Variants in CCNB2 observed in about 807,000 individuals in gnomAD.
CCNB2 encodes the protein G2/mitotic-specific cyclin-B2.
In CCNB2, 39 loss-of-function variants were observed where a neutral mutation model predicts 51.1. The observed-to-expected ratio is 0.76, with a 90% CI of 0.59 to 1.00. The LOEUF (loss-of-function observed/expected upper bound fraction) is 1.00, where lower values mean the gene tolerates loss of function less well. Among genes scored for constraint, CCNB2 ranks in the 50% least tolerant of loss-of-function variants. The probability of loss-of-function intolerance (pLI) is 0.00; values close to 1 mark genes in which losing one functional copy is unlikely to be tolerated. For synonymous variants in CCNB2, 174 were observed against 165.5 expected (o/e 1.05, Z -0.40); for missense variants, 472 against 470.3 (o/e 1.00, Z -0.03).
At position 59,114,810 on chromosome 15, in the gene CCNB2, C is replaced by G; in HGVS notation, c.531C>G (p.His177Gln). Residue 177 changes from histidine (H) to glutamine (Q), a missense_variant, in exon 5 of 9, where the codon CAC (histidine) becomes CAG (glutamine). Coordinates refer to ENST00000288207, the MANE Select transcript of CCNB2 (RefSeq NM_004701.4). ...TAGTGGATTGGCTGGTACAAGTCCA[C>G]TCCAAGTTTAGGCTTCTGCAGGAGA... The part of the protein sequence containing the change: ...AILVDWLVQV[H>Q]SKFRLLQETL... 6.2e-7 allele frequency: 1 copy of G among 1,614,206 alleles called. No homozygotes were observed. Among genetic ancestry groups the G allele is most frequent in the Admixed American group, 1.7e-5 (1 of 60,028 alleles).
At chr15:59,122,241 CTT>C (rs1162917277) in intron 7 of CCNB2, among the ~76,000 whole-genome samples, 138 of 72,968 alleles carry the variant, frequency 1.9e-3, no homozygotes, top group African/African-American at 7.2e-3. Context: ...GTTGACATAT[CTT>C]TTTTTTTTTT....
chr15:59,105,633 A>G (rs549634641), intron 1 of CCNB2, among the ~76,000 whole-genome samples: 3 of 152,284 alleles, frequency 2.0e-5, no homozygotes, highest in South Asian at 4.1e-4. Flanking sequence ...AGAGTTATCT[A>G]CTTCCACGTT....
At chr15:59,119,405 A>G (rs111327664) in intron 7 of CCNB2, among the ~76,000 whole-genome samples, 3,824 of 147,934 alleles carry the variant, frequency 0.026, 164 homozygotes, top group African/African-American at 0.089. Flanking sequence ...AGGCTGAAGT[A>G]GCTATGATCC....
In CCNB2 at chr15:59,117,250, T is replaced by G. The variant is rs776783136; in HGVS notation, c.857T>G (p.Leu286Ter). 1 of 1,613,136 alleles carries G rather than the reference T, an allele frequency of 6.2e-7. No individual in the cohort carries two copies. The highest frequency in any genetic ancestry group is 8.5e-7 in the Non-Finnish European group (1 of 1,179,976). Residue 286 changes from leucine to a stop codon, truncating the protein, a stop_gained, in exon 7 of 9, where the codon TTA becomes TGA. Coordinates refer to ENST00000288207, the MANE Select transcript of CCNB2 (RefSeq NM_004701.4). LOFTEE classifies it high-confidence loss of function. ...AGEVDVEQHT[L>*]AKYLMELTLI... ...TAGGTTGATGTTGAACAGCACACTT[T>G]AGCCAAGTATTTGATGGAGCTGACT...
At chr15:59,107,126 G>A (rs1353973699) in intron 1 of CCNB2, among the ~76,000 whole-genome samples, 196 bp from the exon 2 acceptor site, 5 of 152,130 alleles carry the variant, frequency 3.3e-5, no homozygotes, top group Admixed American at 6.5e-5. Flanking sequence ...AAGTAGATGG[G>A]TGATTTGCCT....
At chr15:59,118,898 C>T (rs2079290336) in intron 7 of CCNB2, among the ~76,000 whole-genome samples, 1 of 152,146 alleles carries the variant, frequency 6.6e-6, no homozygotes, top group Non-Finnish European at 1.5e-5. Flanking sequence ...ACCAGGGCAG[C>T]ATGGTGGAGC....
intron 7 of CCNB2, among the ~76,000 whole-genome samples, chr15:59,119,691 AAG>A (rs1189308992): frequency 6.6e-6 from 1 of 152,108 alleles, no homozygotes; most frequent in African/African-American, 2.4e-5. Flanking sequence ...TCAATATAGG[AAG>A]AGTTTTAAAT....
chr15:59,109,056 A>G (rs2079247082), intron 3 of CCNB2, among the ~76,000 whole-genome samples: 1 of 151,974 alleles, frequency 6.6e-6, no homozygotes. Context: ...GTATATGTAT[A>G]TATTTTTGGG....
At chr15:59,113,006 C>T (rs1476141767) in intron 3 of CCNB2, among the ~76,000 whole-genome samples, 2 of 151,704 alleles carry the variant, frequency 1.3e-5, no homozygotes, top group Non-Finnish European at 2.9e-5. Context: ...TGCACTCCAG[C>T]CTGGGCGACA....
At chr15:59,123,299 G>A (rs2079311198) in intron 7 of CCNB2, among the ~76,000 whole-genome samples, 1 of 152,166 alleles carries the variant, frequency 6.6e-6, no homozygotes, top group Non-Finnish European at 1.5e-5. Flanking sequence ...ATTTAGTCTG[G>A]TCTCAGGGCC....
chr15:59,122,596 A>T (rs1402272382), intron 7 of CCNB2, among the ~76,000 whole-genome samples: 1 of 146,864 alleles, frequency 6.8e-6, no homozygotes, highest in African/African-American at 2.5e-5. Context: ...CTGGAGTGCA[A>T]TGGCGTTAAT....
chr15:59,124,379 C>T (rs900809880), intron 8 of CCNB2: 1 of 222,650 alleles, frequency 4.5e-6, no homozygotes, highest in African/African-American at 2.4e-5. Flanking sequence ...AGTTGCCACC[C>T]TCTTTTATTG....
chr15:59,124,528 C>T (rs2079317000), intron 8 of CCNB2: 1 of 502,052 alleles, frequency 2.0e-6, no homozygotes, highest in Non-Finnish European at 3.5e-6. Flanking sequence ...GCTACTTGGA[C>T]CTTGAAATCA....
chr15:59,112,316 T>A (rs1382302094), intron 3 of CCNB2, among the ~76,000 whole-genome samples: 1 of 152,034 alleles, frequency 6.6e-6, no homozygotes, highest in Non-Finnish European at 1.5e-5. Context: ...GACTGGAAAT[T>A]ATAATCATTG....
At chr15:59,123,323 A>G (rs1340995418) in intron 7 of CCNB2, among the ~76,000 whole-genome samples, 194 bp from the exon 8 acceptor site, 2 of 152,200 alleles carry the variant, frequency 1.3e-5, no homozygotes, top group African/African-American at 4.8e-5. Flanking sequence ...ATCATCTTGC[A>G]TTTACCAGCT....
intron 3 of CCNB2, among the ~76,000 whole-genome samples, chr15:59,110,069 A>G (rs1253441450): frequency 1.3e-5 from 2 of 152,194 alleles, no homozygotes; most frequent in African/African-American, 4.8e-5. Context: ...AAGTTAGAGA[A>G]GAAGAAAAGA....
intron 7 of CCNB2, among the ~76,000 whole-genome samples, chr15:59,119,331 C>G (rs1299799889): frequency 6.6e-6 from 1 of 151,952 alleles, no homozygotes; most frequent in Non-Finnish European, 1.5e-5. Context: ...TATGGTGGCA[C>G]ACACCTGTAG....
Position 59,124,831 on chromosome 15 carries a change from C to G in CCNB2, c.1151C>G (p.Ser384Ter), listed in dbSNP as rs2079318459. 1 of 1,609,042 alleles carries G rather than the reference C, an allele frequency of 6.2e-7. No homozygotes were observed. The highest frequency in any genetic ancestry group is 8.5e-7 in the Non-Finnish European group (1 of 1,177,702). ...ATCAGCATGATCCCTCAGCTGAACT[C>G]AAAAGCCGTCAAAGACCTTGCCTCC... ...LKISMIPQLN[S>*]KAVKDLASPL... Residue 384 changes from serine (S) to a stop codon, truncating the protein, a stop_gained, in exon 9 of 9, where the codon TCA becomes TGA. Coordinates refer to ENST00000288207, the MANE Select transcript of CCNB2 (RefSeq NM_004701.4). LOFTEE classifies it high-confidence loss of function.
chr15:59,121,140 G>C (rs760740339), intron 7 of CCNB2: 1 of 152,192 alleles, frequency 6.6e-6, no homozygotes, highest in Admixed American at 6.5e-5. Flanking sequence ...ACATTTAGCA[G>C]GGATGTGCTG....
Sources: allele counts gnomAD v4.1 joint callset (sites outside exome capture counted in the v4.1 genomes callset), GRCh38; gene constraint gnomAD v4.1.1; transcripts MANE v1.5; gene names NCBI Gene and HGNC (gene_info 2026-07-23, HGNC 2026-07-21).